Variants in MIB1 observed in about 807,000 individuals in gnomAD.
MIB1 encodes E3 ubiquitin-protein ligase MIB1.
In MIB1, 278 loss-of-function variants were observed where a neutral mutation model predicts 124.5. That is an observed-to-expected ratio of 2.23 (90% CI 2.02 to 2.47). The LOEUF is 2.47. Among genes scored for constraint, MIB1 ranks in the 30% most tolerant of loss-of-function variants. MIB1 has a pLI of 0.00. For synonymous variants in MIB1, 446 were observed against 429.4 expected (o/e 1.04, Z -0.48); for missense variants, 957 against 1,254.4 (o/e 0.76, Z 3.58).
At position 21,773,703 on chromosome 18, in the gene MIB1, T is replaced by C; in HGVS notation, c.611T>C (p.Leu204Pro). The C allele has an allele frequency of 1.2e-6, 2 of 1,603,738 alleles. No individual in the cohort carries two copies. The highest frequency in any genetic ancestry group is 1.7e-5 in the Admixed American group (1 of 57,872). The change falls in exon 4 of 21, where the codon CTT (leucine) becomes CCT (proline). Residue 204 changes from leucine to proline, a missense_variant. Leu to Pro is a moderately conservative substitution (Grantham distance 98, BLOSUM62 -3). Coordinates refer to ENST00000261537, the MANE Select transcript of MIB1 (RefSeq NM_020774.4). ...YVLWDNGAKNLYRVGFEGMSD... is the reference protein window; with the variant it reads ...YVLWDNGAKNPYRVGFEGMSD... ...CTCTGGGATAATGGTGCTAAGAACC[T>C]TTACAGAGTTGGCTTTGAGGGCATG... is the stretch of plus-strand genomic sequence containing the variant.
At chr18:21,709,315 CAAA>C (rs10711398) in intron 1 of MIB1, among the ~76,000 whole-genome samples, 15 of 79,996 alleles carry the variant, frequency 1.9e-4, no homozygotes, top group Admixed American at 3.8e-4. Context: ...GAGACTGTCT[CAAA>C]AAAAAAAAAA....
In MIB1 at chr18:21,864,621, T is replaced by A. The variant is rs767109185; in HGVS notation, c.2976T>A (p.Cys992Ter). The change falls in exon 21 of 21, where the codon TGT becomes TGA. Residue 992 changes from cysteine to a stop codon, truncating the protein, a stop_gained. Coordinates refer to ENST00000261537, the MANE Select transcript of MIB1 (RefSeq NM_020774.4). LOFTEE classifies it high-confidence loss of function. ...TCTGTGGAGACCGCATGAGTGAATG[T>A]CCTATCTGTCGCAAGGCTATTGAAC... is the stretch of plus-strand genomic sequence containing the variant. ...CQLCGDRMSE[C>*]PICRKAIERR... The A allele has an allele frequency of 6.2e-7, 1 of 1,613,900 alleles. No individual in the cohort carries two copies. The highest frequency in any genetic ancestry group is 1.1e-5 in the South Asian group (1 of 91,078).
At chr18:21,738,840 A>C (rs2040808797), upstream of MIB1, among the ~76,000 whole-genome samples, 9 of 52,370 alleles carry the variant, frequency 1.7e-4, no homozygotes, top group African/African-American at 3.9e-4. Flanking sequence ...AAAAAAAAAA[A>C]AAAAAAAAAA....
intron 1 of MIB1, among the ~76,000 whole-genome samples, chr18:21,752,892 A>T (rs2040991079): frequency 6.6e-6 from 1 of 152,216 alleles, no homozygotes; most frequent in East Asian, 1.9e-4. Context: ...AAAAGTTTAT[A>T]TACAGACTAA....
At chr18:21,863,962 C>T (rs1181288936) in intron 20 of MIB1, among the ~76,000 whole-genome samples, 3 of 151,962 alleles carry the variant, frequency 2.0e-5, no homozygotes, top group East Asian at 1.9e-4. Flanking sequence ...GCCGAGATTG[C>T]GCCACTGCAC....
At chr18:21,761,123 T>C (rs1413107391) in intron 1 of MIB1, among the ~76,000 whole-genome samples, 2 of 152,166 alleles carry the variant, frequency 1.3e-5, no homozygotes, top group Admixed American at 1.3e-4. Flanking sequence ...TAATGTCCAT[T>C]TTGGAAAAAT....
chr18:21,737,014 G>GAACA (rs1274777813), upstream of MIB1, among the ~76,000 whole-genome samples: 2 of 152,086 alleles, frequency 1.3e-5, no homozygotes. Flanking sequence ...GAAATACAGA[G>GAACA]AACACCACAA....
chr18:21,852,799 G>A (rs182300744), intron 17 of MIB1, among the ~76,000 whole-genome samples: 5 of 152,038 alleles, frequency 3.3e-5, no homozygotes, highest in East Asian at 1.9e-4. Context: ...TTATTTGTTC[G>A]TTGTCTTTTT....
chr18:21,749,361 A>T (rs1486081426), intron 1 of MIB1, among the ~76,000 whole-genome samples: 1 of 152,166 alleles, frequency 6.6e-6, no homozygotes, highest in African/African-American at 2.4e-5. Context: ...TTTAATAGTT[A>T]AAAAATATAT....
At chr18:21,779,437 T>A (rs1400638606) in intron 5 of MIB1, 44 bp from the exon 6 acceptor site, 2 of 1,486,858 alleles carry the variant, frequency 1.3e-6, no homozygotes, top group Non-Finnish European at 1.9e-6. Context: ...CCTGTTGTTG[T>A]GAGGTTTTTT....
chr18:21,753,716 G>C (rs1023508417), intron 1 of MIB1, among the ~76,000 whole-genome samples: 1 of 151,154 alleles, frequency 6.6e-6, no homozygotes, highest in Non-Finnish European at 1.5e-5. Flanking sequence ...TGCTCTTGTT[G>C]CCCAGGCTGG....
At chr18:21,757,415 G>GCTC (rs2041045094) in intron 1 of MIB1, among the ~76,000 whole-genome samples, 1 of 105,166 alleles carries the variant, frequency 9.5e-6, no homozygotes, top group Non-Finnish European at 1.7e-5. Flanking sequence ...TCATGCCACC[G>GCTC]CTCTCCAGCC....
intron 12 of MIB1, among the ~76,000 whole-genome samples, chr18:21,822,442 A>G (rs761111517): frequency 2.3e-4 from 35 of 152,170 alleles, no homozygotes; most frequent in Non-Finnish European, 3.7e-4. Context: ...TTCCAACCAG[A>G]TATTTGGTGT....
intron 16 of MIB1, among the ~76,000 whole-genome samples, chr18:21,847,513 T>C (rs73963261): frequency 1.3e-5 from 2 of 152,138 alleles, no homozygotes; most frequent in African/African-American, 2.4e-5. Context: ...TATTATTTTT[T>C]AAAAATACGT....
intron 8 of MIB1, 55 bp from the exon 9 acceptor site, chr18:21,799,786 A>C: frequency 6.6e-7 from 1 of 1,518,700 alleles, no homozygotes; most frequent in South Asian, 1.3e-5. Flanking sequence ...CTTGTTTCTT[A>C]GTAGTTAAGG....
chr18:21,735,984 T>C (rs564429965), upstream of MIB1, among the ~76,000 whole-genome samples: 7 of 152,342 alleles, frequency 4.6e-5, no homozygotes, highest in South Asian at 1.4e-3. Context: ...CTGACACCTG[T>C]GAAGAGAGCA....
chr18:21,865,199 C>T lies in MIB1; in HGVS notation c.*533C>T, dbSNP rs1291470475. The T allele has an allele frequency of 1.3e-5, 2 of 152,100 alleles. No individual in the cohort carries two copies. Among genetic ancestry groups the T allele is most frequent in the African/African-American group, 4.8e-5 (2 of 41,416 alleles). 9.4% of individuals were successfully genotyped at this position (152,100 alleles called of 1,614,324 possible). A position where few individuals can be genotyped will look rare whatever the true frequency, so the allele number is the denominator to read the frequency against. ...AGGGATGATTCTTTTTTTAAGATAA[C>T]AGGAAGTTACCCACATGTTTGTTTC... is the stretch of plus-strand genomic sequence containing the variant. On this transcript the variant is annotated 3_prime_UTR_variant, in exon 21 of 21. Transcript: ENST00000261537.
chr18:21,714,093 A>G (rs1244356544), intron 1 of MIB1, among the ~76,000 whole-genome samples: 1 of 152,180 alleles, frequency 6.6e-6, no homozygotes, highest in Admixed American at 6.5e-5. Context: ...TGCAGTTCAT[A>G]TCCATGCACA....
chr18:21,784,208 C>G (rs914881461), intron 6 of MIB1, among the ~76,000 whole-genome samples: 2 of 151,932 alleles, frequency 1.3e-5, no homozygotes, highest in Admixed American at 6.6e-5. Context: ...GCCACCACAC[C>G]CAGCTAGTTT....
Sources: allele counts gnomAD v4.1 joint callset (sites outside exome capture counted in the v4.1 genomes callset), GRCh38; gene constraint gnomAD v4.1.1; transcripts MANE v1.5; gene names NCBI Gene and HGNC (gene_info 2026-07-23, HGNC 2026-07-21).